The following LOXHD1 variants were observed in gnomAD, a reference collection of about 807,000 sequenced individuals.
LOXHD1 encodes lipoxygenase homology PLAT domains 1.
Under a neutral mutation model 248.2 loss-of-function variants are expected in LOXHD1, and 205 were observed. The ratio of observed to expected loss-of-function variants is 0.83; its 90% CI spans 0.74 to 0.93. The LOEUF is 0.93. Ranked by LOEUF, LOXHD1 falls within the 40% of genes least tolerant of loss-of-function variation. The pLI is 0.00. For missense variants in LOXHD1, 2,930 were observed against 2,971.6 expected, an observed-to-expected ratio of 0.99 and a Z score of 0.33; for synonymous variants, 1,113 against 1,162.8, an observed-to-expected ratio of 0.96 and a Z score of 0.87.
chr18:46,592,142 C>G (rs2038181868), intron 11 of LOXHD1, 74 bp from the exon 12 acceptor site: 5 of 1,528,634 alleles, frequency 3.3e-6, no homozygotes, highest in Non-Finnish European at 4.4e-6. Context: ...CCCCATTCTG[C>G]TATCTCATTG....
chr18:46,502,332 G>T (rs1239834221), intron 37 of LOXHD1, among the ~76,000 whole-genome samples: 1 of 152,192 alleles, frequency 6.6e-6, no homozygotes, highest in African/African-American at 2.4e-5. Flanking sequence ...GAGACAGAAG[G>T]TATGGGAGCA....
intron 6 of LOXHD1, among the ~76,000 whole-genome samples, chr18:46,608,027 A>AGGAAGGAG (rs1333758996): frequency 6.9e-6 from 1 of 144,128 alleles, no homozygotes; most frequent in Non-Finnish European, 1.5e-5. Flanking sequence ...CAAACACGGA[A>AGGAAGGAG]GGAAGGAGGG....
At chr18:46,536,837 C>T (rs2036334640) in intron 26 of LOXHD1, among the ~76,000 whole-genome samples, 2 of 152,176 alleles carry the variant, frequency 1.3e-5, no homozygotes, top group South Asian at 4.1e-4. Flanking sequence ...GGAAGGTGCC[C>T]TGGGCTTTGT....
At chr18:46,497,796 A>G (rs954007459) in intron 37 of LOXHD1, among the ~76,000 whole-genome samples, 3 of 152,226 alleles carry the variant, frequency 2.0e-5, no homozygotes, top group Non-Finnish European at 2.9e-5. Flanking sequence ...AAATATGTCG[A>G]CTGTTCTGGG....
At chr18:46,627,543 C>T (rs762720594) in intron 4 of LOXHD1, among the ~76,000 whole-genome samples, 3 of 152,176 alleles carry the variant, frequency 2.0e-5, no homozygotes, top group Admixed American at 6.5e-5. Context: ...TTTTAAACAC[C>T]TATTTAAAGA....
chr18:46,490,600 C>G (rs940015691), intron 37 of LOXHD1, among the ~76,000 whole-genome samples: 5 of 152,168 alleles, frequency 3.3e-5, no homozygotes, highest in African/African-American at 1.2e-4. Context: ...CTCAGCCTCC[C>G]AAGTAGCTGG....
At chr18:46,483,854 G>A in intron 39 of LOXHD1, 109 bp from the exon 40 acceptor site, 3 of 1,322,662 alleles carry the variant, frequency 2.3e-6, no homozygotes, top group Non-Finnish European at 3.1e-6. Context: ...AACAGGGATG[G>A]GATGGCAAGC....
chr18:46,556,497 G>T (rs1001214228), intron 21 of LOXHD1, among the ~76,000 whole-genome samples: 1 of 152,116 alleles, frequency 6.6e-6, no homozygotes, highest in African/African-American at 2.4e-5. Context: ...AGAGAAGAGG[G>T]AGAGAGGCAA....
intron 34 of LOXHD1, among the ~76,000 whole-genome samples, chr18:46,514,995 T>C (rs2035171974): frequency 6.6e-6 from 1 of 152,228 alleles, no homozygotes; most frequent in East Asian, 1.9e-4. Flanking sequence ...GCCATATTAA[T>C]TCACCAGCAT....
intron 16 of LOXHD1, 53 bp from the exon 17 acceptor site, chr18:46,566,502 A>C: frequency 6.8e-7 from 1 of 1,472,890 alleles, no homozygotes; most frequent in Non-Finnish European, 9.2e-7. Flanking sequence ...AGAAACCTCC[A>C]TGATCCCATC....
intron 12 of LOXHD1, 28 bp downstream of exon 12, chr18:46,591,905 C>T (rs2038175962): frequency 6.4e-7 from 1 of 1,551,108 alleles, no homozygotes; most frequent in African/African-American, 1.4e-5. Context: ...CCACTGCCTC[C>T]CAGGATGGAG....
downstream of LOXHD1, chr18:46,477,091 G>T (rs982792791): frequency 1.4e-6 from 1 of 700,950 alleles, no homozygotes; most frequent in Admixed American, 2.2e-5. Context: ...TAGCTTTTTT[G>T]GGGAAAAGTG....
In LOXHD1 at chr18:46,644,610, C is replaced by T. The variant is rs150339780; in HGVS notation, c.246-2574G>A. Among the ~76,000 whole-genome samples, 43 of 152,192 alleles carry T rather than the reference C, an allele frequency of 2.8e-4. 1 individual carries two copies. Among genetic ancestry groups the T allele is most frequent in the Middle Eastern group, 3.4e-3 (1 of 294 alleles). ...GTGTGCACCTGTAGTCTCAGTTACT[C>T]AGGAGGCTGAGGCGGGAGAATCACT... On this transcript the variant is annotated intron_variant, in intron 2 of 40. Transcript: ENST00000642948.
At chr18:46,632,718 A>G (rs1401459346) in intron 4 of LOXHD1, among the ~76,000 whole-genome samples, 1 of 152,182 alleles carries the variant, frequency 6.6e-6, no homozygotes, top group Non-Finnish European at 1.5e-5. Context: ...CCCAGGGATA[A>G]TAAATGCGGA....
In LOXHD1 at chr18:46,479,783, A is replaced by C. The variant is rs567087134; in HGVS notation, c.6342-1831T>G. On this transcript the variant is annotated intron_variant, in intron 40 of 40. Transcript: ENST00000642948. ...TAACAGAAAAAAAAAAAAACAAAAA[A>C]AAAAACACCTTTGGTTTTTTGCCTG... 1.6e-3 allele frequency among the ~76,000 whole-genome samples: 248 copies of C among 152,106 alleles called. 2 individuals carry two copies. The highest frequency in any genetic ancestry group is 5.6e-3 in the African/African-American group (231 of 41,482).
chr18:46,518,614 G>A (rs1220530703), intron 33 of LOXHD1, among the ~76,000 whole-genome samples: 1 of 152,260 alleles, frequency 6.6e-6, no homozygotes, highest in Non-Finnish European at 1.5e-5. Context: ...AGAGCTCCAT[G>A]TGAATCCCAG....
At chr18:46,592,995 T>C (rs1024771877) in intron 10 of LOXHD1, among the ~76,000 whole-genome samples, 2 of 152,142 alleles carry the variant, frequency 1.3e-5, no homozygotes, top group Non-Finnish European at 2.9e-5. Context: ...ATGCCCTTTC[T>C]CTAGGGGCTC....
rs2032772116 is a variant in LOXHD1, at chr18:46,483,610, G to A, written c.6318C>T (p.Ile2106=). 1.3e-6 allele frequency: 2 copies of A among 1,551,670 alleles called. No homozygotes were observed. Among genetic ancestry groups the A allele is most frequent in the Non-Finnish European group, 1.7e-6 (2 of 1,147,002 alleles). Residue 2106 remains isoleucine, a synonymous_variant, in exon 40 of 41, where the codon ATC becomes ATT. Coordinates refer to ENST00000642948, the MANE Select transcript of LOXHD1 (RefSeq NM_001384474.1). ...ELAWHVKTIT[I]TEMEYGNVYF... ...ACACATTGCCGTACTCCATCTCGGT[G>A]ATGGTGATGGTCTTGACATGCCAGG...
intron 37 of LOXHD1, among the ~76,000 whole-genome samples, chr18:46,496,286 T>C (rs1407930123): frequency 6.6e-6 from 1 of 152,162 alleles, no homozygotes; most frequent in Non-Finnish European, 1.5e-5. Context: ...ATCTTCACTT[T>C]TGCGCATGTT....
Sources: gnomAD v4.1 joint callset for allele counts (sites outside exome capture counted in the v4.1 genomes callset) on GRCh38, gnomAD v4.1.1 for gene constraint, MANE v1.5 for transcripts, NCBI Gene and HGNC (gene_info 2026-07-23, HGNC 2026-07-21) for gene names.